Variants in KIF19 observed in about 807,000 individuals in gnomAD.
The protein encoded by KIF19 is kinesin-like protein KIF19.
In KIF19, 98 loss-of-function variants were observed where a neutral mutation model predicts 106.6. The ratio of observed to expected loss-of-function variants is 0.92; its 90% CI spans 0.78 to 1.09. KIF19 has a LOEUF of 1.09. KIF19 is among the 50% of genes least tolerant of loss of function. The pLI, the probability that KIF19 is intolerant of heterozygous loss-of-function variation, is 0.00. For missense variants in KIF19, 1,373 were observed against 1,414.3 expected (o/e 0.97, Z 0.47); for synonymous variants, 516 against 584.2 (o/e 0.88, Z 1.68).
chr17:74,344,239 T>C lies in KIF19; in HGVS notation c.473T>C (p.Ile158Thr). 2 of 1,612,744 alleles carry C rather than the reference T, an allele frequency of 1.2e-6. No homozygotes were observed. The highest frequency in any genetic ancestry group is 1.7e-6 in the Non-Finnish European group (2 of 1,179,620). The stretch of plus-strand genomic sequence containing the variant: ...TCCCGTCAGATCTACAATGAGATGA[T>C]CCGGGACCTGCTGAACCCCTCCCTG... Reference protein sequence around the residue: ...MSYLEIYNEMIRDLLNPSLGY... With the variant: ...MSYLEIYNEMTRDLLNPSLGY... Residue 158 changes from isoleucine (I) to threonine (T), a missense_variant, in exon 6 of 20, where the codon ATC becomes ACC. Transcript: ENST00000389916.
At chr17:74,332,205 TG>T (rs1567897518) in intron 2 of KIF19, among the ~76,000 whole-genome samples, 21 of 54,618 alleles carry the variant, frequency 3.8e-4, no homozygotes, top group Middle Eastern at 7.8e-3. Flanking sequence ...TGTGTGTGTG[TG>T]TGTTTGTGTG....
chr17:74,326,337 A>G lies in KIF19; in HGVS notation c.-13A>G, dbSNP rs1187719885. ...CCGGTGGCGCGGCCTGAGCCCCTCC[A>G]CCTGCTGCAATCATGAAGGACAGCG... On this transcript the variant is annotated 5_prime_UTR_variant, in exon 1 of 20. Transcript: ENST00000389916. The G allele has an allele frequency of 1.2e-6, 2 of 1,610,722 alleles. No individual in the cohort carries two copies. The highest frequency in any genetic ancestry group is 2.2e-5 in the South Asian group (2 of 90,814).
chr17:74,347,819 A>G lies in KIF19; in HGVS notation c.967A>G (p.Ile323Val). 1.3e-6 allele frequency: 2 copies of G among 1,588,334 alleles called. No individual in the cohort carries two copies. Among genetic ancestry groups the G allele is most frequent in the Non-Finnish European group, 1.7e-6 (2 of 1,167,802 alleles). ...GNSRTVMIAH[I>V]SPASSAFEES... is the part of the protein sequence containing the mutation. ...CAGCCGCACAGTGATGATCGCTCAC[A>G]TCAGTCCTGCGAGCAGTGCCTTCGA... is the stretch of plus-strand genomic sequence containing the variant. Residue 323 changes from isoleucine (I) to valine (V), a missense_variant, in exon 9 of 20, where the codon ATC (isoleucine) becomes GTC (valine). By Grantham distance (29) the Ile-to-Val change is conservative. Transcript: ENST00000389916.
intron 2 of KIF19, among the ~76,000 whole-genome samples, chr17:74,336,563 C>T (rs146088447): frequency 1.1e-4 from 16 of 152,308 alleles, no homozygotes; most frequent in African/African-American, 3.8e-4. Flanking sequence ...CATTCTAAGG[C>T]ACTAGGCATT....
At chr17:74,332,033 C>G (rs61239192) in intron 2 of KIF19, among the ~76,000 whole-genome samples, 1 of 152,024 alleles carries the variant, frequency 6.6e-6, no homozygotes, top group Non-Finnish European at 1.5e-5. Flanking sequence ...TGTGTCTTCA[C>G]AGGGGTTAAT....
chr17:74,352,797 C>A, intron 14 of KIF19, 24 bp from the exon 15 acceptor site: 1 of 1,613,704 alleles, frequency 6.2e-7, no homozygotes, highest in Non-Finnish European at 8.5e-7. Flanking sequence ...TTCTAACTGT[C>A]CACCCTGGCT....
At chr17:74,350,934 G>A in intron 12 of KIF19, 29 bp downstream of exon 12, 1 of 1,610,442 alleles carries the variant, frequency 6.2e-7, no homozygotes, top group Non-Finnish European at 8.5e-7. Flanking sequence ...GACAAGGAGA[G>A]TGGGTTTAGG....
chr17:74,346,482 G>A lies in KIF19; in HGVS notation c.882G>A (p.Lys294=). 1.3e-6 allele frequency: 2 copies of A among 1,552,558 alleles called. No homozygotes were observed. Among genetic ancestry groups the A allele is most frequent in the Non-Finnish European group, 1.7e-6 (2 of 1,147,730 alleles). ...CCCTGAGCGACAAGGGTAGCAACAA[G>A]TACATCAACTATCGCGACAGCAAGC... The part of the protein sequence containing the change: ...INALSDKGSN[K]YINYRDSKLT... The change falls in exon 8 of 20, where the codon AAG becomes AAA. Residue 294 remains lysine, a synonymous_variant. Coordinates refer to ENST00000389916, the MANE Select transcript of KIF19 (RefSeq NM_153209.4). The surrounding 1 kb of genome is among the most constrained non-coding windows in gnomAD (Gnocchi z 4.6).
intron 2 of KIF19, among the ~76,000 whole-genome samples, chr17:74,337,342 G>A (rs201808367): frequency 3.6e-5 from 2 of 54,886 alleles, no homozygotes; most frequent in Non-Finnish European, 1.0e-4. Context: ...CTCACGGGGT[G>A]GGGGGGGTGC....
At chr17:74,353,670 G>A in intron 17 of KIF19, 89 bp downstream of exon 17, 1 of 1,048,186 alleles carries the variant, frequency 9.5e-7, no homozygotes, top group South Asian at 1.3e-5. Flanking sequence ...CCTGCCCTCT[G>A]CACTGCCAAG....
In KIF19 at chr17:74,350,570, C is replaced by T. The variant is rs565074437; in HGVS notation, c.1383C>T (p.Ile461=). 1.4e-5 allele frequency: 23 copies of T among 1,612,758 alleles called. No individual in the cohort carries two copies. The East Asian group carries it at 1.8e-4, about 13-fold the overall frequency. The change falls in exon 11 of 20, where the codon ATC becomes ATT. Residue 461 remains isoleucine, a synonymous_variant. Coordinates refer to ENST00000389916, the MANE Select transcript of KIF19 (RefSeq NM_153209.4). ...ACACCTCCCGACACCTGCTCACCAT[C>T]GCCGGGTAAGCCCCCCTCCCAGGAC... The part of the protein sequence containing the change: ...QIDTSRHLLT[I]AGWKHEKSRR...
chr17:74,338,011 T>C (rs1309496634), intron 2 of KIF19, among the ~76,000 whole-genome samples: 1 of 152,230 alleles, frequency 6.6e-6, no homozygotes, highest in Non-Finnish European at 1.5e-5. Context: ...GTGCTGACAG[T>C]GTACTACAGG....
At chr17:74,336,822 ATTTG>A (rs2054229755) in intron 2 of KIF19, among the ~76,000 whole-genome samples, 1 of 151,510 alleles carries the variant, frequency 6.6e-6, no homozygotes, top group African/African-American at 2.4e-5. Context: ...CTCTTTTTTT[ATTTG>A]TTTGTTTTTG....
At chr17:74,347,215 G>A (rs774315620) in intron 8 of KIF19, among the ~76,000 whole-genome samples, 5 of 152,078 alleles carry the variant, frequency 3.3e-5, no homozygotes, top group Admixed American at 6.5e-5. Flanking sequence ...GGGGAGGTGG[G>A]GACAATTGCA....
intron 2 of KIF19, among the ~76,000 whole-genome samples, chr17:74,341,655 G>A (rs1037828385): frequency 6.6e-6 from 1 of 152,204 alleles, no homozygotes. Flanking sequence ...CTCTGGCTCC[G>A]AGACCTACCT....
At chr17:74,335,503 C>G (rs1055682135) in intron 2 of KIF19, among the ~76,000 whole-genome samples, 3 of 152,258 alleles carry the variant, frequency 2.0e-5, no homozygotes, top group African/African-American at 7.2e-5. Flanking sequence ...GCCTGAGGCC[C>G]CCACTTCCCT....
At chr17:74,330,601 G>A (rs778820620) in intron 2 of KIF19, among the ~76,000 whole-genome samples, 1 of 152,194 alleles carries the variant, frequency 6.6e-6, no homozygotes, top group Non-Finnish European at 1.5e-5. Context: ...GCCTGCGTGG[G>A]GGCTGATAAA....
rs1346703398 is a variant in KIF19, at chr17:74,354,766, T to G, written c.2707-16T>G. On this transcript the variant is annotated splice_polypyrimidine_tract_variant and intron_variant, in intron 18 of 19. Transcript: ENST00000389916. ...TGTGCCGCTCTCGGCCTCACCCCACTGTTCAACCATCACAGCTCTCCCACC... is the reference window on the plus strand; with the variant it reads ...TGTGCCGCTCTCGGCCTCACCCCACGGTTCAACCATCACAGCTCTCCCACC... The G allele has an allele frequency of 3.2e-6, 5 of 1,550,500 alleles. No homozygotes were observed. The African/African-American group carries it at 6.8e-5, about 21-fold the overall frequency.
intron 2 of KIF19, among the ~76,000 whole-genome samples, chr17:74,330,517 C>T (rs1399365299): frequency 6.6e-6 from 1 of 152,188 alleles, no homozygotes; most frequent in Admixed American, 6.5e-5. Flanking sequence ...TCTGTTTGTC[C>T]AACTTGTCCC....
Sources: allele counts gnomAD v4.1 joint callset (sites outside exome capture counted in the v4.1 genomes callset), GRCh38; gene constraint gnomAD v4.1.1; non-coding constraint Gnocchi (gnomAD v3.1); transcripts MANE v1.5; gene names NCBI Gene and HGNC (gene_info 2026-07-23, HGNC 2026-07-21).